Variants in CLUAP1 observed in about 807,000 individuals in gnomAD.
The protein encoded by CLUAP1 is intraflagellar transport 38, also known as clusterin-associated protein 1.
In CLUAP1, 50 loss-of-function variants were observed where a neutral mutation model predicts 55.0. The ratio of observed to expected loss-of-function variants is 0.91; its 90% CI spans 0.72 to 1.15. CLUAP1 has a LOEUF of 1.15. CLUAP1 is among the 50% of genes most tolerant of loss of function. The probability of loss-of-function intolerance (pLI) is 0.00; values close to 1 mark genes in which losing one functional copy is unlikely to be tolerated. For synonymous variants in CLUAP1, 195 were observed against 175.4 expected, an observed-to-expected ratio of 1.11 and a Z score of -0.88; for missense variants, 530 against 507.6, an observed-to-expected ratio of 1.04 and a Z score of -0.42.
At chr16:3,498,808 C>T (rs905352236), upstream of CLUAP1, among the ~76,000 whole-genome samples, 11 of 151,872 alleles carry the variant, frequency 7.2e-5, no homozygotes, top group Non-Finnish European at 1.3e-4. Flanking sequence ...TGCAGTGAGC[C>T]GAGATCGCAC....
Position 3,508,485 on chromosome 16 carries a change from C to T in CLUAP1, c.399+17C>T, listed in dbSNP as rs2037553058. ...GGCTCAAAGGTAAGGACAACAAAAG[C>T]CTTGTAGTGGGCGATGGAGCGTTGA... On this transcript the variant is annotated intron_variant, in intron 4 of 11. Transcript: ENST00000576634. The T allele has an allele frequency of 1.3e-6, 2 of 1,541,236 alleles. No individual in the cohort carries two copies. Among genetic ancestry groups the T allele is most frequent in the East Asian group, 2.5e-5 (1 of 40,688 alleles).
Position 3,538,802 on chromosome 16 carries a change from T to C in CLUAP1, c.*2531T>C, listed in dbSNP as rs1347474346. Reference sequence around the variant, plus strand: ...ATTTTTATTAAAGTATTTCAGTCAATAGTGACCCATTGTAGAATGGATGCA... The same window carrying C: ...ATTTTTATTAAAGTATTTCAGTCAACAGTGACCCATTGTAGAATGGATGCA... On this transcript the variant is annotated 3_prime_UTR_variant, in exon 12 of 12. Coordinates refer to ENST00000576634, the MANE Select transcript of CLUAP1 (RefSeq NM_015041.3). 4 of 152,174 alleles carry C rather than the reference T, an allele frequency of 2.6e-5. No homozygotes were observed. The highest frequency in any genetic ancestry group is 5.9e-5 in the Non-Finnish European group (4 of 68,040). 9.4% of individuals were successfully genotyped at this position (152,174 alleles called of 1,614,324 possible).
rs1037952788 is a variant in CLUAP1 at position 3,501,104 on chromosome 16, C to T, written c.22+15C>T. 6.3e-7 allele frequency: 1 copy of T among 1,587,172 alleles called. No individual in the cohort carries two copies. The highest frequency in any genetic ancestry group is 2.3e-5 in the East Asian group (1 of 43,950). Reference sequence around the variant, plus strand: ...CGACCTCCGCAGTAAGGCAGCCCCGCGCCCCTGTGACCTGCGGGTCTTCCA... The same window carrying T: ...CGACCTCCGCAGTAAGGCAGCCCCGTGCCCCTGTGACCTGCGGGTCTTCCA... On this transcript the variant is annotated intron_variant, in intron 1 of 11. Transcript: ENST00000576634.
chr16:3,514,109 G>T (rs1161660951), intron 5 of CLUAP1, among the ~76,000 whole-genome samples: 1 of 152,228 alleles, frequency 6.6e-6, no homozygotes, highest in African/African-American at 2.4e-5. Flanking sequence ...TGTTCTGTTT[G>T]TAGTGCAGTG....
intron 9 of CLUAP1, among the ~76,000 whole-genome samples, chr16:3,527,959 G>T (rs921645199): frequency 5.9e-5 from 9 of 152,142 alleles, no homozygotes; most frequent in East Asian, 5.8e-4. Flanking sequence ...CTGGCATTCA[G>T]GGCCACTATC....
rs114117929 is a variant in CLUAP1 at position 3,532,322 on chromosome 16, T to C, written c.1037-464T>C. On this transcript the variant is annotated intron_variant, in intron 10 of 11. Transcript: ENST00000576634. ...AGGTCAAAGGTTCCATAAATTTTTATTTTAATACTATAAAATTCTCCTATA... is the reference window on the plus strand; with the variant it reads ...AGGTCAAAGGTTCCATAAATTTTTACTTTAATACTATAAAATTCTCCTATA... Among the ~76,000 whole-genome samples the C allele has an allele frequency of 9.6e-3, 1,461 of 152,174 alleles. 22 individuals carry two copies. The highest frequency in any genetic ancestry group is 0.033 in the African/African-American group (1,367 of 41,538).
chr16:3,523,922 T>A (rs1410147044), intron 8 of CLUAP1, among the ~76,000 whole-genome samples: 1 of 152,022 alleles, frequency 6.6e-6, no homozygotes, highest in Non-Finnish European at 1.5e-5. Flanking sequence ...GCCAAGATCG[T>A]GCCACTGTAC....
Position 3,512,473 on chromosome 16 carries a change from T to C in CLUAP1, c.490T>C (p.Leu164=). 1.9e-6 allele frequency: 3 copies of C among 1,612,244 alleles called. No homozygotes were observed. Among genetic ancestry groups the C allele is most frequent in the Non-Finnish European group, 2.5e-6 (3 of 1,178,396 alleles). Residue 164 remains leucine, a synonymous_variant, in exon 5 of 12, where the codon TTG becomes CTG. Coordinates refer to ENST00000576634, the MANE Select transcript of CLUAP1 (RefSeq NM_015041.3). The stretch of plus-strand genomic sequence containing the variant: ...TGACTTGCTCGGCATGGAAGTAGAG[T>C]TGAGGGTAAGCATTCCAGTACTTCC... The part of the protein sequence containing the change: ...LYDLLGMEVE[L]REMRTEAIAR...
chr16:3,529,753 A>T (rs1270288480), intron 9 of CLUAP1, among the ~76,000 whole-genome samples: 1 of 52,448 alleles, frequency 1.9e-5, no homozygotes, highest in African/African-American at 8.0e-5. Context: ...ATTATATATT[A>T]TATAATATAT....
chr16:3,516,523 G>C (rs374460371), intron 6 of CLUAP1, among the ~76,000 whole-genome samples: 4 of 152,072 alleles, frequency 2.6e-5, no homozygotes, highest in African/African-American at 7.2e-5. Flanking sequence ...ATGGAGCCAC[G>C]TTCCTCACTG....
At chr16:3,510,520 C>T (rs530166285) in intron 4 of CLUAP1, among the ~76,000 whole-genome samples, 3 of 152,030 alleles carry the variant, frequency 2.0e-5, no homozygotes, top group South Asian at 2.1e-4. Flanking sequence ...GTAGATCTCA[C>T]GGGATGAGGC....
At chr16:3,499,647 T>TGA (rs966911423), upstream of CLUAP1, among the ~76,000 whole-genome samples, 1 of 152,266 alleles carries the variant, frequency 6.6e-6, no homozygotes. Context: ...TATTGAGTGT[T>TGA]GAGAGTTCTT....
At chr16:3,533,088 G>A (rs756488158) in intron 11 of CLUAP1, 120 of 1,535,682 alleles carry the variant, frequency 7.8e-5, no homozygotes, top group Admixed American at 1.2e-4. Flanking sequence ...TTCCATTCTC[G>A]CTTTCCAAAG....
intron 5 of CLUAP1, 74 bp downstream of exon 5, chr16:3,512,552 T>G (rs549144245): frequency 8.6e-6 from 10 of 1,159,784 alleles, no homozygotes; most frequent in Non-Finnish European, 1.2e-5. Flanking sequence ...TGTTTCTCCC[T>G]TTTCAGTTCT....
chr16:3,497,381 T>G (rs1022773561), upstream of CLUAP1, among the ~76,000 whole-genome samples: 1 of 152,190 alleles, frequency 6.6e-6, no homozygotes, highest in African/African-American at 2.4e-5. Flanking sequence ...AAGACAACTC[T>G]GAATACTATA....
At chr16:3,518,151 G>C (rs2037764825) in intron 6 of CLUAP1, among the ~76,000 whole-genome samples, 1 of 152,058 alleles carries the variant, frequency 6.6e-6, no homozygotes. Flanking sequence ...CACCTAGGTT[G>C]GGAAAAACGC....
At chr16:3,516,278 C>T (rs1225161227) in intron 6 of CLUAP1, among the ~76,000 whole-genome samples, 1 of 152,124 alleles carries the variant, frequency 6.6e-6, no homozygotes, top group Non-Finnish European at 1.5e-5. Context: ...GATGAGGGCC[C>T]CTGTGTACAT....
chr16:3,513,841 T>G (rs977301206), intron 5 of CLUAP1, among the ~76,000 whole-genome samples: 1 of 152,214 alleles, frequency 6.6e-6, no homozygotes, highest in Non-Finnish European at 1.5e-5. Flanking sequence ...TAAATGAATT[T>G]CTTTCATTCA....
At chr16:3,496,906 T>G (rs886458033), upstream of CLUAP1, 4 of 308,054 alleles carry the variant, frequency 1.3e-5, no homozygotes, top group African/African-American at 6.8e-5. Context: ...AGTCTCACTT[T>G]GGCGCCCAGG....
Sources: allele counts gnomAD v4.1 joint callset (sites outside exome capture counted in the v4.1 genomes callset), GRCh38; gene constraint gnomAD v4.1.1; transcripts MANE v1.5; gene names NCBI Gene and HGNC (gene_info 2026-07-23, HGNC 2026-07-21).